The following TRPM3 variants were observed in gnomAD, a reference collection of about 807,000 sequenced individuals.
TRPM3 encodes long transient receptor potential channel 3.
In TRPM3, 77 loss-of-function variants were observed where a neutral mutation model predicts 181.2. The observed-to-expected ratio is 0.42, with a 90% CI of 0.35 to 0.51. The LOEUF (loss-of-function observed/expected upper bound fraction) is 0.51. Among genes scored for constraint, TRPM3 ranks in the 20% least tolerant of loss-of-function variants. The pLI is 0.01. For synonymous variants in TRPM3, 745 were observed against 796.4 expected (o/e 0.94, Z 1.09); for missense variants, 1,759 against 2,196.7 (o/e 0.80, Z 3.98).
At chr9:70,875,165 T>C (rs1044487071) in intron 1 of TRPM3, among the ~76,000 whole-genome samples, 2 of 151,900 alleles carry the variant, frequency 1.3e-5, no homozygotes, top group East Asian at 3.9e-4. Flanking sequence ...TCTCAAGATA[T>C]GCATCCTAGC....
At chr9:70,754,534 G>A (rs889342049) in intron 8 of TRPM3, among the ~76,000 whole-genome samples, 9 of 152,134 alleles carry the variant, frequency 5.9e-5, no homozygotes, top group African/African-American at 1.2e-4. Flanking sequence ...TGAAGATGTC[G>A]TGAGGGGCTG....
chr9:70,817,531 C>T (rs1025149778), intron 6 of TRPM3, among the ~76,000 whole-genome samples: 1 of 152,166 alleles, frequency 6.6e-6, no homozygotes, highest in Admixed American at 6.5e-5. Flanking sequence ...AACCTGTGTC[C>T]TAACTAAGGC....
chr9:70,631,044 T>C (rs1207679681), intron 12 of TRPM3, among the ~76,000 whole-genome samples: 1 of 152,202 alleles, frequency 6.6e-6, no homozygotes, highest in Non-Finnish European at 1.5e-5. Flanking sequence ...GATTGGTTCC[T>C]TCTGAGATAC....
intron 1 of TRPM3, among the ~76,000 whole-genome samples, chr9:71,040,197 T>C (rs1212778929): frequency 6.6e-6 from 1 of 152,166 alleles, no homozygotes; most frequent in African/African-American, 2.4e-5. Context: ...CCAAAATCTC[T>C]TATGTCTTTA....
chr9:71,047,766 C>T (rs1476734126), intron 1 of TRPM3, among the ~76,000 whole-genome samples: 4 of 149,012 alleles, frequency 2.7e-5, no homozygotes, highest in Admixed American at 1.3e-4. Flanking sequence ...TATGCAATTG[C>T]CACAGAAAAT....
At chr9:70,954,748 T>C (rs924488867) in intron 1 of TRPM3, among the ~76,000 whole-genome samples, 5 of 152,186 alleles carry the variant, frequency 3.3e-5, no homozygotes, top group East Asian at 1.9e-4. Context: ...AGAGCAACAC[T>C]GCACCAGCTT....
intron 25 of TRPM3, among the ~76,000 whole-genome samples, chr9:70,542,068 C>T (rs958407679): frequency 1.3e-5 from 2 of 152,142 alleles, no homozygotes; most frequent in Non-Finnish European, 2.9e-5. Context: ...CTGTGGTGAG[C>T]CCAGATGGCG....
In TRPM3 at chr9:71,318,357, A is replaced by G. The variant is rs534346426; in HGVS notation, c.183+128296T>C. Among the ~76,000 whole-genome samples, 28 of 152,284 alleles carry G rather than the reference A, an allele frequency of 1.8e-4. No homozygotes were observed. In the East Asian group the frequency reaches 2.3e-3, roughly 13 times the overall value. ...AAAATCCAAAATTTTGACTTACTAC[A>G]AATTTGTACAGGATTTTCACAACTC... On this transcript the variant is annotated intron_variant, in intron 1 of 24. Transcript: ENST00000357533.
At chr9:71,409,206 A>T (rs2131436296) in intron 1 of TRPM3, among the ~76,000 whole-genome samples, 1 of 152,300 alleles carries the variant, frequency 6.6e-6, no homozygotes, top group East Asian at 1.9e-4. Context: ...TCAACTACCG[A>T]GCAAAATAAC....
At chr9:70,566,139 A>C (rs1023364292) in intron 22 of TRPM3, among the ~76,000 whole-genome samples, 39 of 152,308 alleles carry the variant, frequency 2.6e-4, no homozygotes, top group African/African-American at 8.9e-4. Context: ...TAGATAAATA[A>C]GCTAAGCAGG....
At chr9:71,069,871 G>C (rs2062495257) in intron 1 of TRPM3, among the ~76,000 whole-genome samples, 1 of 152,080 alleles carries the variant, frequency 6.6e-6, no homozygotes, top group Non-Finnish European at 1.5e-5. Flanking sequence ...GCCTCCCAAA[G>C]TGCTGGGACT....
rs558442858 is a variant in TRPM3, at chr9:70,928,290, A to C, written c.178-63779T>G. The stretch of plus-strand genomic sequence containing the variant: ...CATTTGTAGGGATGCATTCTATTAC[A>C]GGCATTTAGACTTGTCTTAACAGAC... On this transcript the variant is annotated intron_variant, in intron 1 of 25. Coordinates refer to ENST00000677713, the MANE Select transcript of TRPM3 (RefSeq NM_001366145.2). Among the ~76,000 whole-genome samples the C allele has an allele frequency of 9.8e-5, 15 of 152,326 alleles. 1 individual carries two copies. The South Asian group carries it at 3.1e-3, about 32-fold the overall frequency.
chr9:70,582,156 C>T (rs1051801228), intron 22 of TRPM3, among the ~76,000 whole-genome samples: 2 of 144,434 alleles, frequency 1.4e-5, no homozygotes, highest in Admixed American at 1.4e-4. Context: ...TTTCCTTTCT[C>T]ACTCCTCCCC....
rs765997142 is a variant in TRPM3 at position 71,386,935 on chromosome 9, T to C, written c.183+59718A>G. On this transcript the variant is annotated intron_variant, in intron 1 of 24. Transcript: ENST00000357533. ...ATCCTTTTCTAGTAAGTACATGTGA[T>C]CTTCCATTGGCACTGAGAACATAAG... Among the ~76,000 whole-genome samples the C allele has an allele frequency of 2.4e-4, 36 of 152,220 alleles. 1 individual carries two copies. Among genetic ancestry groups the C allele is most frequent in the Admixed American group, 8.5e-4 (13 of 15,274 alleles).
intron 1 of TRPM3, among the ~76,000 whole-genome samples, chr9:71,405,974 T>C (rs1234677014): frequency 6.6e-6 from 1 of 152,126 alleles, no homozygotes; most frequent in East Asian, 1.9e-4. Context: ...TTATCTTTTT[T>C]CAAACAATAA....
chr9:70,610,465 A>C (rs2061840404), intron 19 of TRPM3, 144 bp downstream of exon 19: 2 of 968,952 alleles, frequency 2.1e-6, no homozygotes, highest in Non-Finnish European at 3.0e-6. Context: ...AATCTTGCAG[A>C]GCTATTGAAA....
At chr9:71,369,336 G>A (rs1020181489) in intron 1 of TRPM3, among the ~76,000 whole-genome samples, 3 of 152,130 alleles carry the variant, frequency 2.0e-5, no homozygotes, top group African/African-American at 7.2e-5. Flanking sequence ...TAAAAAATCA[G>A]AGGATATAAG....
Position 71,332,093 on chromosome 9 carries a change from T to C in TRPM3, c.183+114560A>G, listed in dbSNP as rs191481017. The stretch of plus-strand genomic sequence containing the variant: ...GAAAATTCTGGTTAATTGAACACAC[T>C]GGTCAAATAACAAAATCAACGTATC... On this transcript the variant is annotated intron_variant, in intron 1 of 24. Transcript: ENST00000357533. Among the ~76,000 whole-genome samples the C allele has an allele frequency of 6.2e-3, 946 of 151,444 alleles. 46 individuals carry two copies. Among genetic ancestry groups the C allele is most frequent in the Admixed American group, 0.059 (899 of 15,210 alleles).
chr9:70,824,128 T>C (rs960124861), intron 6 of TRPM3, among the ~76,000 whole-genome samples: 4 of 152,218 alleles, frequency 2.6e-5, no homozygotes, highest in Non-Finnish European at 4.4e-5. Context: ...CAGAAGATTA[T>C]ACCATTTATG....
Sources: gnomAD v4.1 joint callset for allele counts (sites outside exome capture counted in the v4.1 genomes callset) on GRCh38, gnomAD v4.1.1 for gene constraint, MANE v1.5 for transcripts, NCBI Gene and HGNC (gene_info 2026-07-23, HGNC 2026-07-21) for gene names.